Variants in FBXO47 observed in about 807,000 individuals in gnomAD.
FBXO47 encodes the protein F-box only protein 47.
FBXO47 carries 34 observed loss-of-function variants against 53.9 expected under a neutral mutation model. The observed-to-expected ratio is 0.63, with a 90% CI of 0.48 to 0.84. The LOEUF (loss-of-function observed/expected upper bound fraction) is 0.84, where lower values mean the gene tolerates loss of function less well. FBXO47 is among the 40% of genes least tolerant of loss of function. The pLI, the probability that FBXO47 is intolerant of heterozygous loss-of-function variation, is 0.00. For synonymous variants in FBXO47, 165 were observed against 181.6 expected, an observed-to-expected ratio of 0.91 and a Z score of 0.73; for missense variants, 485 against 541.3, an observed-to-expected ratio of 0.90 and a Z score of 1.03.
chr17:38,965,882 C>CAAAA (rs35075482), intron 1 of FBXO47, among the ~76,000 whole-genome samples: 264 of 99,602 alleles, frequency 2.7e-3, no homozygotes, highest in African/African-American at 8.8e-3. Flanking sequence ...GAATCTGCCT[C>CAAAA]AAAAAAAAAA....
At position 38,941,620 on chromosome 17, in the gene FBXO47, TTATA is replaced by T. The variant is rs3040090; in HGVS notation, c.1083+1154_1083+1157del. 8.0e-3 allele frequency among the ~76,000 whole-genome samples: 923 copies of T among 115,184 alleles called. 37 individuals are homozygous for T. The East Asian group carries it at 0.12, about 15-fold the overall frequency. 75.6% of individuals were successfully genotyped at this position (115,184 alleles called of 152,430 possible). On this transcript the variant is annotated intron_variant, in intron 9 of 10. Coordinates refer to ENST00000378079, the MANE Select transcript of FBXO47 (RefSeq NM_001008777.3). ...AAATGAATATTAAATAAATATAATATTATATATATATATATATATATATATGTAT... is the reference window on the plus strand; with the variant it reads ...AAATGAATATTAAATAAATATAATATTATATATATATATATATATATGTAT...
intron 3 of FBXO47, among the ~76,000 whole-genome samples, chr17:38,960,193 G>C (rs1905754621): frequency 6.6e-6 from 1 of 151,858 alleles, no homozygotes; most frequent in Non-Finnish European, 1.5e-5. Flanking sequence ...CAGATACTCA[G>C]GAGGCTGAGG....
chr17:38,955,154 G>A (rs541762857), intron 4 of FBXO47, among the ~76,000 whole-genome samples: 1 of 152,054 alleles, frequency 6.6e-6, no homozygotes, highest in African/African-American at 2.4e-5. Context: ...TTGGGAGGCC[G>A]AGGTGGGCAG....
intron 7 of FBXO47, among the ~76,000 whole-genome samples, chr17:38,944,729 G>C (rs970219395): frequency 3.3e-5 from 5 of 150,890 alleles, no homozygotes; most frequent in Non-Finnish European, 5.9e-5. Flanking sequence ...AAATTAGCTG[G>C]TTGTGGTTGC....
intron 4 of FBXO47, among the ~76,000 whole-genome samples, chr17:38,956,370 C>T (rs925261410): frequency 1.1e-4 from 17 of 151,868 alleles, no homozygotes; most frequent in African/African-American, 3.6e-4. Context: ...GGCAGATCAC[C>T]TGAGGTCAGG....
intron 6 of FBXO47, among the ~76,000 whole-genome samples, chr17:38,947,102 A>G (rs1904980515): frequency 2.1e-5 from 2 of 93,770 alleles, no homozygotes; most frequent in East Asian, 6.1e-4. Flanking sequence ...AAACATATAT[A>G]TAAACATATA....
chr17:38,954,501 T>C (rs1366425857), intron 5 of FBXO47, among the ~76,000 whole-genome samples: 1 of 152,072 alleles, frequency 6.6e-6, no homozygotes, highest in East Asian at 1.9e-4. Flanking sequence ...AAGACTAAAC[T>C]CATTATATAG....
chr17:38,959,311 G>A (rs927280037), intron 3 of FBXO47, among the ~76,000 whole-genome samples: 8 of 151,880 alleles, frequency 5.3e-5, no homozygotes, highest in Non-Finnish European at 1.0e-4. Flanking sequence ...GGCCGAGTAC[G>A]GTGGCTCACT....
rs776234579 is a variant in FBXO47, at chr17:38,938,608, C to T, written c.1208G>A (p.Cys403Tyr). The change falls in exon 10 of 11, where the codon TGT becomes TAT. Residue 403 changes from cysteine to tyrosine, a missense_variant. Cys to Tyr is a radical substitution (Grantham distance 194, BLOSUM62 -2). Coordinates refer to ENST00000378079, the MANE Select transcript of FBXO47 (RefSeq NM_001008777.3). ...TGATTGCAGCATTTCCATTATAACA[C>T]ATGCAAATGCATTTGCCACATTCTG... ...FLQNVANAFA[C>Y]VIMEMLQSIM... 5 of 1,613,276 alleles carry T rather than the reference C, an allele frequency of 3.1e-6. No homozygotes were observed.
intron 1 of FBXO47, among the ~76,000 whole-genome samples, chr17:38,966,736 C>T (rs972588720): frequency 6.6e-6 from 1 of 152,142 alleles, no homozygotes; most frequent in African/African-American, 2.4e-5. Context: ...CTCAAGTCTC[C>T]ACTTATAGTT....
At chr17:38,960,314 T>C (rs761007496) in intron 3 of FBXO47, among the ~76,000 whole-genome samples, 1 of 151,594 alleles carries the variant, frequency 6.6e-6, no homozygotes, top group Non-Finnish European at 1.5e-5. Flanking sequence ...AGAATGACGA[T>C]ATGAGAAAAT....
chr17:38,965,130 G>A (rs1312282984), intron 1 of FBXO47, among the ~76,000 whole-genome samples: 7 of 152,100 alleles, frequency 4.6e-5, no homozygotes, highest in Non-Finnish European at 7.3e-5. Flanking sequence ...GATTACAGGC[G>A]AAAGCCACCA....
At chr17:38,945,950 T>A (rs182050876) in intron 6 of FBXO47, among the ~76,000 whole-genome samples, 21,303 of 105,286 alleles carry the variant, frequency 0.2, 2,282 homozygotes, top group Non-Finnish European at 0.25. Context: ...AAAAAAAAAA[T>A]ATATATATAT....
At chr17:38,939,652 C>CT (rs970784178) in intron 9 of FBXO47, among the ~76,000 whole-genome samples, 9,215 of 91,006 alleles carry the variant, frequency 0.1, 2,296 homozygotes, top group East Asian at 0.21. Flanking sequence ...TAAAAGGTTT[C>CT]TTTTTTTTTT....
intron 1 of FBXO47, among the ~76,000 whole-genome samples, chr17:38,963,802 G>GT (rs377210713): frequency 0.17 from 21,942 of 128,374 alleles, 2,308 homozygotes; most frequent in Middle Eastern, 0.28. Context: ...TTGTTTTGTT[G>GT]TTTTTTTTTT....
chr17:38,941,108 T>G (rs1462592825), intron 9 of FBXO47, among the ~76,000 whole-genome samples: 1 of 151,850 alleles, frequency 6.6e-6, no homozygotes, highest in African/African-American at 2.4e-5. Flanking sequence ...CTTCAGCTCC[T>G]GAGTAGCTGA....
intron 7 of FBXO47, among the ~76,000 whole-genome samples, chr17:38,944,518 C>T (rs931025247): frequency 1.3e-5 from 2 of 151,402 alleles, no homozygotes; most frequent in Admixed American, 6.6e-5. Context: ...CTGGCTAACA[C>T]GGTGAAACCC....
chr17:38,950,096 T>C (rs1159568186), intron 6 of FBXO47, among the ~76,000 whole-genome samples: 3 of 152,160 alleles, frequency 2.0e-5, no homozygotes, highest in Non-Finnish European at 1.5e-5. Context: ...TTTACACTGT[T>C]GTTCAACCAC....
intron 4 of FBXO47, among the ~76,000 whole-genome samples, chr17:38,955,628 C>T (rs1598146695): frequency 6.6e-6 from 1 of 151,198 alleles, no homozygotes; most frequent in African/African-American, 2.4e-5. Flanking sequence ...TTAGTAGAGA[C>T]GGGGTTTCAC....
Sources: gnomAD v4.1 joint callset for allele counts (sites outside exome capture counted in the v4.1 genomes callset) on GRCh38, gnomAD v4.1.1 for gene constraint, MANE v1.5 for transcripts, NCBI Gene and HGNC (gene_info 2026-07-23, HGNC 2026-07-21) for gene names.